Variants in AFAP1L2 observed in about 807,000 individuals in gnomAD.
AFAP1L2 encodes actin filament associated protein 1 like 2, also known as actin filament-associated protein 1-like 2.
In AFAP1L2, 46 loss-of-function variants were observed where a neutral mutation model predicts 99.3. The observed-to-expected ratio is 0.46, with a 90% CI of 0.37 to 0.59. The LOEUF (loss-of-function observed/expected upper bound fraction) is 0.59, where lower values mean the gene tolerates loss of function less well. Among genes scored for constraint, AFAP1L2 ranks in the 20% least tolerant of loss-of-function variants. The pLI is 0.00. For synonymous variants in AFAP1L2, 397 were observed against 419.1 expected (o/e 0.95, Z 0.64); for missense variants, 959 against 1,034.9 (o/e 0.93, Z 1.01).
intron 5 of AFAP1L2, chr10:114,319,647 T>C: frequency 7.8e-6 from 10 of 1,289,412 alleles, no homozygotes; most frequent in Non-Finnish European, 1.0e-5. Context: ...CAGAGTGACC[T>C]GCATAACATC....
intron 4 of AFAP1L2, among the ~76,000 whole-genome samples, chr10:114,329,478 G>T (rs568299978): frequency 1.7e-3 from 254 of 152,308 alleles, no homozygotes; most frequent in African/African-American, 6.0e-3. Context: ...AGCTGCCCCT[G>T]GTGGGGCAGA....
intron 4 of AFAP1L2, chr10:114,325,739 TG>T: frequency 1.3e-6 from 1 of 788,946 alleles, no homozygotes; most frequent in Non-Finnish European, 1.7e-6. Context: ...AGCCCCAGCC[TG>T]GTACAAGATC....
chr10:114,331,991 G>T, intron 3 of AFAP1L2, 94 bp from the exon 4 acceptor site: 1 of 833,288 alleles, frequency 1.2e-6, no homozygotes, highest in Non-Finnish European at 1.6e-6. Flanking sequence ...TGCACCCTGT[G>T]AGTTCTTTTT....
Position 114,300,367 on chromosome 10 carries a change from G to C in AFAP1L2, c.1789-5C>G. 3 of 1,614,120 alleles carry C rather than the reference G, an allele frequency of 1.9e-6. No homozygotes were observed. Among genetic ancestry groups the C allele is most frequent in the Non-Finnish European group, 2.5e-6 (3 of 1,180,006 alleles). On this transcript the variant is annotated splice_region_variant and splice_polypyrimidine_tract_variant and intron_variant, in intron 14 of 18. Coordinates refer to ENST00000304129, the MANE Select transcript of AFAP1L2 (RefSeq NM_001001936.3). The stretch of plus-strand genomic sequence containing the variant: ...TGGCTCCAAACTCTCCAGCTGCTTT[G>C]GGGGAAAGCAGACCTGACTCAGCTG...
At chr10:114,398,769 T>C in intron 1 of AFAP1L2, 1 of 1,225,876 alleles carries the variant, frequency 8.2e-7, no homozygotes, top group Non-Finnish European at 1.1e-6. Flanking sequence ...ACCCAGAGCA[T>C]GGGCAGAGCC....
chr10:114,334,208 T>C (rs2047611057), intron 2 of AFAP1L2, among the ~76,000 whole-genome samples: 1 of 152,208 alleles, frequency 6.6e-6, no homozygotes, highest in South Asian at 2.1e-4. Context: ...TCTGTGCAGG[T>C]TAAGTCACCT....
At chr10:114,296,383 G>T (rs2040234414) in intron 18 of AFAP1L2, 1 of 387,988 alleles carries the variant, frequency 2.6e-6, no homozygotes, top group Non-Finnish European at 4.7e-6. Context: ...AGGTAAGGAG[G>T]ATAGGAATAA....
intron 11 of AFAP1L2, among the ~76,000 whole-genome samples, chr10:114,303,711 C>T (rs552146286): frequency 2.0e-5 from 3 of 152,288 alleles, no homozygotes; most frequent in East Asian, 3.9e-4. Flanking sequence ...TAGCAGGTCC[C>T]TTCTTGCCCC....
intron 18 of AFAP1L2, chr10:114,296,413 G>C: frequency 6.6e-6 from 2 of 304,924 alleles, no homozygotes; most frequent in Admixed American, 4.6e-5. Flanking sequence ...TTTGCCAAAA[G>C]CAAAGGCAGC....
Position 114,297,254 on chromosome 10 carries a change from A to G in AFAP1L2, c.2273T>C (p.Val758Ala), listed in dbSNP as rs1308718500. Reference sequence around the variant, plus strand: ...CACATTCTCCAGGTGGGTGGTGTCCACGGTGGTGCCTAACGTCACAGGCCC... The same window carrying G: ...CACATTCTCCAGGTGGGTGGTGTCCGCGGTGGTGCCTAACGTCACAGGCCC... ...EAGPVTLGTT[V>A]DTTHLENVSP... is the part of the protein sequence containing the mutation. The change falls in exon 17 of 19, where the codon GTG (valine) becomes GCG (alanine). Residue 758 changes from valine (V) to alanine (A), a missense_variant. Physicochemically the swap from Val to Ala is moderately conservative, Grantham distance 64. Around this residue, in one of 2 missense-constraint regions of AFAP1L2, gnomAD observed 576 missense variants for 562.1 expected, o/e 1.02. Coordinates refer to ENST00000304129, the MANE Select transcript of AFAP1L2 (RefSeq NM_001001936.3). 2.5e-6 allele frequency: 4 copies of G among 1,612,576 alleles called. No individual in the cohort carries two copies. The South Asian group carries it at 4.4e-5, about 18-fold the overall frequency.
At position 114,300,617 on chromosome 10, in the gene AFAP1L2, T is replaced by A; in HGVS notation, c.1616A>T (p.Asp539Val). 6.2e-7 allele frequency: 1 copy of A among 1,613,912 alleles called. No homozygotes were observed. Among genetic ancestry groups the A allele is most frequent in the Non-Finnish European group, 8.5e-7 (1 of 1,179,914 alleles). The change falls in exon 14 of 19, where the codon GAC (aspartate) becomes GTC (valine). Residue 539 changes from aspartate (D) to valine (V), a missense_variant. Asp to Val is a radical substitution (Grantham distance 152). Coordinates refer to ENST00000304129, the MANE Select transcript of AFAP1L2 (RefSeq NM_001001936.3). ...NERESDRVYL[D>V]LTPVKSFLHG... ...CAGAAAGGACTTGACAGGTGTGAGG[T>A]CCAGGTACACTCGGTCAGATTCTCT...
chr10:114,312,246 T>C (rs2043364252), intron 7 of AFAP1L2, among the ~76,000 whole-genome samples: 1 of 8,604 alleles, frequency 1.2e-4, no homozygotes, highest in African/African-American at 1.4e-4. Context: ...TGTGTGTGTG[T>C]GTGTGTGTGT....
At chr10:114,296,095 C>T in intron 18 of AFAP1L2, 27 bp from the exon 19 acceptor site, 1 of 1,613,904 alleles carries the variant, frequency 6.2e-7, no homozygotes, top group East Asian at 2.2e-5. Context: ...ATACCAGCAC[C>T]CACCCCCCAC....
intron 2 of AFAP1L2, among the ~76,000 whole-genome samples, chr10:114,340,203 G>A (rs2048614155): frequency 6.7e-6 from 1 of 148,858 alleles, no homozygotes; most frequent in African/African-American, 2.5e-5. Context: ...AAATAGCTGG[G>A]CATGGTGGCA....
the AFAP1L2 span, chr10:114,289,562 T>C: frequency 2.1e-5 from 33 of 1,542,524 alleles, no homozygotes; most frequent in African/African-American, 1.5e-4. Flanking sequence ...ACATACATCA[T>C]GACGAGGATG....
At chr10:114,369,832 G>A (rs1426668454) in intron 1 of AFAP1L2, among the ~76,000 whole-genome samples, 2 of 152,146 alleles carry the variant, frequency 1.3e-5, no homozygotes, top group East Asian at 3.8e-4. Context: ...GCCTCTACCA[G>A]ATAAAACCTT....
At chr10:114,314,676 C>A (rs191847408) in intron 6 of AFAP1L2, among the ~76,000 whole-genome samples, 1 of 152,122 alleles carries the variant, frequency 6.6e-6, no homozygotes, top group Non-Finnish European at 1.5e-5. Context: ...ATAATAATTC[C>A]GTGGAATTTC....
chr10:114,346,676 G>GGAGC lies in AFAP1L2; in HGVS notation c.17-5949_17-5946dup, dbSNP rs1451493217. ...TTCGGTCTCTTCCTCGTCCTCCTGT[G>GGAGC]GAGCGAGGGAGAAATAAATGTGTTG... On this transcript the variant is annotated intron_variant, in intron 1 of 18. Coordinates refer to ENST00000304129, the MANE Select transcript of AFAP1L2 (RefSeq NM_001001936.3). Among the ~76,000 whole-genome samples, 72 of 152,316 alleles carry GGAGC rather than the reference G, an allele frequency of 4.7e-4. 1 individual carries two copies. Among genetic ancestry groups the GGAGC allele is most frequent in the African/African-American group, 1.6e-3 (67 of 41,556 alleles).
At position 114,343,017 on chromosome 10, in the gene AFAP1L2, T is replaced by C. The variant is rs183993690; in HGVS notation, c.17-2286A>G. 1.2e-3 allele frequency among the ~76,000 whole-genome samples: 181 copies of C among 152,318 alleles called. 2 individuals are homozygous for C. Among genetic ancestry groups the C allele is most frequent in the Non-Finnish European group, 1.3e-4 (9 of 68,026 alleles). On this transcript the variant is annotated intron_variant, in intron 1 of 18. Transcript: ENST00000304129. The stretch of plus-strand genomic sequence containing the variant: ...CAAATCTATCCACTTACTTTGTACA[T>C]GAAAGAATCCCATGGCTGAATTATA...
Sources: gnomAD v4.1 joint callset for allele counts (sites outside exome capture counted in the v4.1 genomes callset) on GRCh38, gnomAD v4.1.1 for gene constraint, gnomAD v4.1.1 regional missense constraint, MANE v1.5 for transcripts, NCBI Gene and HGNC (gene_info 2026-07-23, HGNC 2026-07-21) for gene names.